GARNL3: variants seen among roughly 807,000 people sequenced by gnomAD.
The protein encoded by GARNL3 is GTPase activating Rap/RanGAP domain like 3.
GARNL3 carries 63 observed loss-of-function variants against 125.0 expected under a neutral mutation model. The observed-to-expected ratio is 0.50, with a 90% CI of 0.41 to 0.62. The LOEUF (loss-of-function observed/expected upper bound fraction) is 0.62. Ranked by LOEUF, GARNL3 falls within the 20% of genes least tolerant of loss-of-function variation. The pLI is 0.00. For synonymous variants in GARNL3, 439 were observed against 457.5 expected (o/e 0.96, Z 0.52); for missense variants, 994 against 1,244.0 (o/e 0.80, Z 3.02).
At chr9:127,287,819 T>C (rs1204032706) in intron 1 of GARNL3, among the ~76,000 whole-genome samples, 1 of 152,268 alleles carries the variant, frequency 6.6e-6, no homozygotes, top group Non-Finnish European at 1.5e-5. Flanking sequence ...TTATCTGGCC[T>C]GCCCTTCACT....
At chr9:127,256,270 C>T (rs2063493742) in intron 2 of GARNL3, among the ~76,000 whole-genome samples, 1 of 152,156 alleles carries the variant, frequency 6.6e-6, no homozygotes, top group South Asian at 2.1e-4. Flanking sequence ...GTGTGCAAAA[C>T]ATCATACTTC....
At chr9:127,344,710 A>G (rs1830045672) in intron 15 of GARNL3, among the ~76,000 whole-genome samples, 1 of 152,224 alleles carries the variant, frequency 6.6e-6, no homozygotes, top group Admixed American at 6.5e-5. Context: ...GGCAGGAGGA[A>G]GCACAGAGTG....
intron 2 of GARNL3, among the ~76,000 whole-genome samples, chr9:127,311,056 G>C (rs2065082287): frequency 6.6e-6 from 1 of 152,044 alleles, no homozygotes; most frequent in Admixed American, 6.6e-5. Context: ...AACAAAAATT[G>C]GAAGCAGCCT....
intron 5 of GARNL3, among the ~76,000 whole-genome samples, chr9:127,319,412 G>A (rs1341284033): frequency 6.6e-6 from 1 of 152,080 alleles, no homozygotes; most frequent in Admixed American, 6.5e-5. Flanking sequence ...AACCTGGGAG[G>A]TGGAGGGTGC....
At chr9:127,247,548 C>A (rs1366439889) in intron 2 of GARNL3, among the ~76,000 whole-genome samples, 4 of 152,124 alleles carry the variant, frequency 2.6e-5, no homozygotes, top group Non-Finnish European at 5.9e-5. Context: ...GCAAAGTTGC[C>A]ATGTGTTTGA....
intron 1 of GARNL3, among the ~76,000 whole-genome samples, chr9:127,279,289 T>C (rs1439499465): frequency 6.6e-6 from 1 of 152,178 alleles, no homozygotes; most frequent in East Asian, 1.9e-4. Flanking sequence ...ATTGCACCTC[T>C]GGGATTCTTA....
Position 127,392,976 on chromosome 9 carries a change from G to A in GARNL3, c.2871-107G>A. On this transcript the variant is annotated intron_variant, in intron 27 of 27. Coordinates refer to ENST00000373387, the MANE Select transcript of GARNL3 (RefSeq NM_032293.5). The surrounding 1 kb of genome is among the most constrained non-coding windows in gnomAD (Gnocchi z 5.2). ...CTCTACCACATAACAGTGAGGGTTT[G>A]GTGAGCCAAACTCATGAGCTCAGAT... The A allele has an allele frequency of 1.1e-6, 1 of 888,036 alleles. No homozygotes were observed. The highest frequency in any genetic ancestry group is 1.7e-6 in the Non-Finnish European group (1 of 571,612). 55.0% of individuals were successfully genotyped at this position (888,036 alleles called of 1,614,324 possible). A position where few individuals can be genotyped will look rare whatever the true frequency, so the allele number is the denominator to read the frequency against.
intron 2 of GARNL3, among the ~76,000 whole-genome samples, chr9:127,293,664 A>G (rs1760668785): frequency 6.6e-6 from 1 of 151,876 alleles, no homozygotes; most frequent in African/African-American, 2.4e-5. Context: ...CAATATGTGA[A>G]GTTTTTGTGG....
At chr9:127,320,119 G>C (rs540343470) in intron 5 of GARNL3, among the ~76,000 whole-genome samples, 40 of 152,168 alleles carry the variant, frequency 2.6e-4, no homozygotes, top group African/African-American at 9.4e-4. Context: ...CAATTTCCTG[G>C]GGCTAAAATA....
chr9:127,313,657 G>A, intron 4 of GARNL3, 98 bp downstream of exon 4: 2 of 840,526 alleles, frequency 2.4e-6, no homozygotes, highest in Non-Finnish European at 4.1e-6. Context: ...TCCAGGGCAT[G>A]CCTCATAGTC....
chr9:127,306,361 T>A (rs1335000209), intron 2 of GARNL3, among the ~76,000 whole-genome samples: 1 of 152,184 alleles, frequency 6.6e-6, no homozygotes, highest in Non-Finnish European at 1.5e-5. Flanking sequence ...GGTGTGTGGA[T>A]GACTCGAGGT....
At chr9:127,386,216 C>A (rs559650237) in intron 24 of GARNL3, among the ~76,000 whole-genome samples, 1 of 152,298 alleles carries the variant, frequency 6.6e-6, no homozygotes, top group East Asian at 1.9e-4. Flanking sequence ...GTCATTTAAT[C>A]TGATAGGTAA....
At chr9:127,301,678 G>A (rs917971482) in intron 2 of GARNL3, among the ~76,000 whole-genome samples, 7 of 151,860 alleles carry the variant, frequency 4.6e-5, no homozygotes, top group African/African-American at 1.7e-4. Flanking sequence ...AGACTTTTTG[G>A]TGACATCTTG....
At chr9:127,390,889 C>A in intron 27 of GARNL3, 122 bp downstream of exon 27, 1 of 998,436 alleles carries the variant, frequency 1.0e-6, no homozygotes, top group Non-Finnish European at 1.5e-6. Context: ...AGCAGAGGGC[C>A]AGCAGCCTGT....
intron 1 of GARNL3, among the ~76,000 whole-genome samples, chr9:127,290,085 C>G (rs531914945): frequency 2.6e-5 from 4 of 152,204 alleles, no homozygotes; most frequent in Admixed American, 1.3e-4. Context: ...CCTCAGTTTC[C>G]TCGTTCATAA....
intron 1 of GARNL3, among the ~76,000 whole-genome samples, chr9:127,272,832 A>AT (rs1365617789): frequency 6.6e-6 from 1 of 151,998 alleles, no homozygotes; most frequent in Non-Finnish European, 1.5e-5. Flanking sequence ...CTTTTTTGAT[A>AT]TTTTTACTGC....
chr9:127,382,583 G>C (rs1832323972), intron 22 of GARNL3, among the ~76,000 whole-genome samples: 1 of 152,066 alleles, frequency 6.6e-6, no homozygotes, highest in African/African-American at 2.4e-5. Flanking sequence ...CTGCACTCCA[G>C]CCTGTGTGAC....
In GARNL3 at chr9:127,242,602, G is replaced by C. The variant is rs1213666538; in HGVS notation, c.-28-477G>C. ...TCTTGAACTGTGGGCTTTAGTCCTTGTCTCCAGTGTTGTTGCCAGTCTAGG... is the reference window on the plus strand; with the variant it reads ...TCTTGAACTGTGGGCTTTAGTCCTTCTCTCCAGTGTTGTTGCCAGTCTAGG... On this transcript the variant is annotated intron_variant, in intron 1 of 10. Transcript: ENST00000439286. The surrounding 1 kb of genome is among the most constrained non-coding windows in gnomAD (Gnocchi z 4.6). 6.6e-6 allele frequency among the ~76,000 whole-genome samples: 1 copy of C among 152,168 alleles called. No homozygotes were observed. The highest frequency in any genetic ancestry group is 1.5e-5 in the Non-Finnish European group (1 of 68,030).
In GARNL3 at chr9:127,333,091, A is replaced by G; in HGVS notation, c.739A>G (p.Thr247Ala). Residue 247 changes from threonine to alanine, a missense_variant, in exon 9 of 28, where the codon ACG becomes GCG. Thr to Ala is a moderately conservative substitution (Grantham distance 58, BLOSUM62 0). This residue lies in a region of GARNL3 where 71 missense variants were observed against 66.2 expected (regional missense o/e 1.07). Transcript: ENST00000373387. ...TGACACAATCACTCTAAAGGGCTGGACGGGCTACCGTGGCGGTCTGGATAC... is the reference window on the plus strand; with the variant it reads ...TGACACAATCACTCTAAAGGGCTGGGCGGGCTACCGTGGCGGTCTGGATAC... ...LGDTITLKGW[T>A]GYRGGLDTKN... 1 of 1,614,030 alleles carries G rather than the reference A, an allele frequency of 6.2e-7. No individual in the cohort carries two copies. Among genetic ancestry groups the G allele is most frequent in the African/African-American group, 1.3e-5 (1 of 75,036 alleles).
Sources: allele counts gnomAD v4.1 joint callset (sites outside exome capture counted in the v4.1 genomes callset), GRCh38; gene constraint gnomAD v4.1.1; regional missense constraint gnomAD v4.1.1; non-coding constraint Gnocchi (gnomAD v3.1); transcripts MANE v1.5; gene names NCBI Gene and HGNC (gene_info 2026-07-23, HGNC 2026-07-21).